Variants in FAM149B1 observed in about 807,000 individuals in gnomAD.
FAM149B1 encodes the protein primary cilium assembly protein FAM149B1.
In FAM149B1, 56 loss-of-function variants were observed where a neutral mutation model predicts 75.3. That is an observed-to-expected ratio of 0.74 (90% CI 0.60 to 0.93). The LOEUF is 0.93. FAM149B1 is among the 40% of genes least tolerant of loss of function. The pLI, the probability that FAM149B1 is intolerant of heterozygous loss-of-function variation, is 0.00. For missense variants in FAM149B1, 639 were observed against 708.4 expected, an observed-to-expected ratio of 0.90 and a Z score of 1.11; for synonymous variants, 259 against 256.1, an observed-to-expected ratio of 1.01 and a Z score of -0.11.
intron 7 of FAM149B1, among the ~76,000 whole-genome samples, chr10:73,216,330 TA>T (rs1341332525): frequency 3.9e-5 from 6 of 152,224 alleles, no homozygotes; most frequent in East Asian, 1.9e-4. Flanking sequence ...ATAGTTGGAT[TA>T]TTTTTTTTCA....
Position 73,234,935 on chromosome 10 carries a change from C to T in FAM149B1, c.1471C>T (p.Gln491Ter), listed in dbSNP as rs1482944105. The change falls in exon 11 of 14, where the codon CAG (glutamine) becomes TAG (stop). Residue 491 changes from glutamine to a stop codon, truncating the protein, a stop_gained. Transcript: ENST00000242505. LOFTEE classifies it high-confidence loss of function. ...EHVSTVGPQR[Q>*]MKPHGDSSRA... is the part of the protein sequence containing the mutation. ...TGTGAGCACTGTGGGGCCACAAAGACAGATGGTATGTTTCTTTCATATTGC... is the reference window on the plus strand; with the variant it reads ...TGTGAGCACTGTGGGGCCACAAAGATAGATGGTATGTTTCTTTCATATTGC... The T allele has an allele frequency of 1.3e-6, 2 of 1,551,862 alleles. No individual in the cohort carries two copies. Among genetic ancestry groups the T allele is most frequent in the Admixed American group, 3.9e-5 (2 of 50,974 alleles).
rs1431703641 is a variant in FAM149B1 at position 73,177,922 on chromosome 10, A to T, written c.229A>T (p.Thr77Ser). The T allele has an allele frequency of 6.4e-7, 1 of 1,551,558 alleles. No homozygotes were observed. The highest frequency in any genetic ancestry group is 2.4e-5 in the East Asian group (1 of 40,916). Residue 77 changes from threonine (T) to serine (S), a missense_variant, in exon 3 of 14, where the codon ACA becomes TCA. Thr to Ser is a moderately conservative substitution (Grantham distance 58). Transcript: ENST00000242505. ...GNSLSAFPSY[T>S]GAGISTEGSS... ...TTCACTGTCTGCTTTTCCAAGTTATACAGGCGCAGGGATATCTACTGAAGG... is the reference window on the plus strand; with the variant it reads ...TTCACTGTCTGCTTTTCCAAGTTATTCAGGCGCAGGGATATCTACTGAAGG...
intron 7 of FAM149B1, among the ~76,000 whole-genome samples, chr10:73,213,636 T>C (rs1364555169): frequency 6.6e-6 from 1 of 152,054 alleles, no homozygotes; most frequent in Non-Finnish European, 1.5e-5. Context: ...CAAAGATCAG[T>C]TGATTGGCTT....
chr10:73,174,643 T>C (rs1843863391), intron 1 of FAM149B1, 44 bp from the exon 2 acceptor site: 1 of 1,342,074 alleles, frequency 7.5e-7, no homozygotes, highest in African/African-American at 1.5e-5. Flanking sequence ...GAATTGTATG[T>C]ATTTTTTTAT....
At chr10:73,204,771 CTTTT>C (rs772508767) in intron 5 of FAM149B1, among the ~76,000 whole-genome samples, 1 of 92,952 alleles carries the variant, frequency 1.1e-5, no homozygotes, top group Non-Finnish European at 2.0e-5. Context: ...TGTGATTATT[CTTTT>C]TTTTTTTTTT....
At chr10:73,202,746 A>G (rs1348456260) in intron 5 of FAM149B1, among the ~76,000 whole-genome samples, 5 of 151,134 alleles carry the variant, frequency 3.3e-5, no homozygotes. Flanking sequence ...ACTGGAGTAC[A>G]GTGGTGCAAT....
At chr10:73,187,422 CAGAAAT>C (rs1272212156) in intron 3 of FAM149B1, among the ~76,000 whole-genome samples, 2 of 128,244 alleles carry the variant, frequency 1.6e-5, no homozygotes, top group African/African-American at 3.0e-5. Flanking sequence ...AAAATTGAAA[CAGAAAT>C]AGAAAATTAG....
intron 1 of FAM149B1, among the ~76,000 whole-genome samples, chr10:73,172,003 C>T (rs1331057830): frequency 2.0e-5 from 3 of 152,086 alleles, no homozygotes; most frequent in African/African-American, 4.8e-5. Flanking sequence ...TGCCATTTCA[C>T]CCCTATATAT....
At chr10:73,205,188 T>C (rs1361415221) in intron 5 of FAM149B1, among the ~76,000 whole-genome samples, 2 of 151,978 alleles carry the variant, frequency 1.3e-5, no homozygotes, top group Admixed American at 6.6e-5. Flanking sequence ...AAATCTCATG[T>C]AGAATTATAA....
At chr10:73,207,539 G>C (rs2043094596) in intron 5 of FAM149B1, among the ~76,000 whole-genome samples, 1 of 151,890 alleles carries the variant, frequency 6.6e-6, no homozygotes, top group Non-Finnish European at 1.5e-5. Context: ...ACTCCAGCCT[G>C]GGCGACAGAA....
chr10:73,198,149 C>G (rs975776365), intron 5 of FAM149B1, among the ~76,000 whole-genome samples: 1 of 152,162 alleles, frequency 6.6e-6, no homozygotes, highest in Non-Finnish European at 1.5e-5. Context: ...AAACTGGACA[C>G]CCACATGCAG....
rs539055192 is a variant in FAM149B1, at chr10:73,237,421, C to CT, written c.1603-1878dup. Among the ~76,000 whole-genome samples, 233 of 145,732 alleles carry CT rather than the reference C, an allele frequency of 1.6e-3. 2 individuals carry two copies. Among genetic ancestry groups the CT allele is most frequent in the East Asian group, 5.6e-3 (28 of 5,036 alleles). The stretch of plus-strand genomic sequence containing the variant: ...TATTACACAGCTAGATTCTCTGAAA[C>CT]TTTTTTTTTTTTTGAGACGGAGTCT... On this transcript the variant is annotated intron_variant, in intron 12 of 13. Coordinates refer to ENST00000242505, the MANE Select transcript of FAM149B1 (RefSeq NM_173348.2).
intron 3 of FAM149B1, 149 bp downstream of exon 3, chr10:73,178,124 A>T (rs1589136375): frequency 1.2e-6 from 1 of 854,094 alleles, no homozygotes; most frequent in East Asian, 3.0e-5. Context: ...ATCAGTCCTC[A>T]TCTTCTTTCA....
At chr10:73,216,129 A>G (rs1420435689) in intron 7 of FAM149B1, among the ~76,000 whole-genome samples, 1 of 152,052 alleles carries the variant, frequency 6.6e-6, no homozygotes, top group Non-Finnish European at 1.5e-5. Context: ...TGTTGAATTG[A>G]TCCCTTTGTC....
intron 12 of FAM149B1, among the ~76,000 whole-genome samples, chr10:73,237,592 G>A (rs2043849778): frequency 6.6e-6 from 1 of 151,960 alleles, no homozygotes; most frequent in East Asian, 1.9e-4. Context: ...GCTAATTTTT[G>A]TATTCTTTTA....
At position 73,233,268 on chromosome 10, in the gene FAM149B1, CATT is replaced by C. The variant is rs1486959255; in HGVS notation, c.1352+107_1352+109del. 24 of 812,700 alleles carry C rather than the reference CATT, an allele frequency of 3.0e-5. 2 individuals carry two copies. The Admixed American group carries it at 4.8e-4, about 16-fold the overall frequency. 50.3% of individuals were successfully genotyped at this position (812,700 alleles called of 1,614,324 possible). A position where few individuals can be genotyped will look rare whatever the true frequency, so the allele number is the denominator to read the frequency against. ...CTGAAATCTATGCCTAGAAACTAAT[CATT>C]AAGTAGTCTTATGACAGATTGCCCA... is the stretch of plus-strand genomic sequence containing the variant. On this transcript the variant is annotated intron_variant, in intron 10 of 13. Transcript: ENST00000242505.
At chr10:73,222,828 C>A (rs2043448246) in intron 7 of FAM149B1, among the ~76,000 whole-genome samples, 1 of 152,016 alleles carries the variant, frequency 6.6e-6, no homozygotes, top group South Asian at 2.1e-4. Context: ...CATTTTTAAA[C>A]TTTTTATTGA....
intron 3 of FAM149B1, among the ~76,000 whole-genome samples, chr10:73,190,966 C>A (rs1186895891): frequency 6.6e-6 from 1 of 152,052 alleles, no homozygotes; most frequent in Admixed American, 6.6e-5. Flanking sequence ...TGATCCTCCC[C>A]ACTCAGCCTC....
chr10:73,183,899 G>A (rs1379545062), intron 3 of FAM149B1, among the ~76,000 whole-genome samples: 1 of 152,204 alleles, frequency 6.6e-6, no homozygotes, highest in African/African-American at 2.4e-5. Context: ...ATGCCCAACA[G>A]CATGTAAGTA....
Sources: gnomAD v4.1 joint callset for allele counts (sites outside exome capture counted in the v4.1 genomes callset) on GRCh38, gnomAD v4.1.1 for gene constraint, MANE v1.5 for transcripts, NCBI Gene and HGNC (gene_info 2026-07-23, HGNC 2026-07-21) for gene names.